Variants in ZNF248 observed in about 807,000 individuals in gnomAD.
ZNF248 encodes the protein zinc finger protein 248, also known as KRAB protein domain.
Under a neutral mutation model 44.3 loss-of-function variants are expected in ZNF248, and 20 were observed. That is an observed-to-expected ratio of 0.45 (90% CI 0.32 to 0.66). The LOEUF (loss-of-function observed/expected upper bound fraction) is 0.66, where lower values mean the gene tolerates loss of function less well. ZNF248 is among the 30% of genes least tolerant of loss of function. The pLI is 0.04. For missense variants in ZNF248, 654 were observed against 677.0 expected (o/e 0.97, Z 0.38); for synonymous variants, 224 against 229.0 (o/e 0.98, Z 0.20).
chr10:37,829,307 G>A lies in ZNF248; in HGVS notation c.*2308C>T, dbSNP rs2054991310. The A allele has an allele frequency of 1.0e-6, 1 of 985,290 alleles. No homozygotes were observed. Among genetic ancestry groups the A allele is most frequent in the Non-Finnish European group, 1.2e-6 (1 of 829,888 alleles). The allele number at this position is 985,290 out of a possible 1,614,324, so 61.0% of individuals were successfully genotyped here. The stretch of plus-strand genomic sequence containing the variant: ...GGCTTCCTGCTGATACAAGTCTCTG[G>A]GTGTTTCACTGTCCCTTGTTTCTGG... On this transcript the variant is annotated 3_prime_UTR_variant, in exon 6 of 6. Transcript: ENST00000395867.
chr10:37,835,406 G>T (rs112747391), intron 5 of ZNF248, among the ~76,000 whole-genome samples: 1 of 152,140 alleles, frequency 6.6e-6, no homozygotes, highest in Non-Finnish European at 1.5e-5. Context: ...AGGAAACCAG[G>T]CTCTCTGGTT....
chr10:37,845,244 C>CTGGACTCAAGCGATTCACCTGCCT (rs1459371047), intron 3 of ZNF248, among the ~76,000 whole-genome samples: 2 of 151,868 alleles, frequency 1.3e-5, no homozygotes, highest in East Asian at 3.9e-4. Flanking sequence ...TCTCGAACTC[C>CTGGACTCAAGCGATTCACCTGCCT]TGGACTCAAG....
intron 6 of ZNF248, among the ~76,000 whole-genome samples, chr10:37,805,727 T>TTA (rs2050460889): frequency 6.6e-6 from 1 of 152,282 alleles, no homozygotes; most frequent in South Asian, 2.1e-4. Context: ...GATAGGGAAA[T>TTA]TATATAAAAT....
intron 6 of ZNF248, among the ~76,000 whole-genome samples, chr10:37,782,654 T>C (rs2047444767): frequency 6.6e-6 from 1 of 152,138 alleles, no homozygotes; most frequent in Non-Finnish European, 1.5e-5. Flanking sequence ...TATAAGGTGA[T>C]GGAAATGTAG....
intron 6 of ZNF248, chr10:37,820,379 T>C (rs1214270345): frequency 1.4e-6 from 2 of 1,471,974 alleles, no homozygotes; most frequent in Admixed American, 3.4e-5. Context: ...GCCGAGGTTT[T>C]GTTAGCATTG....
At chr10:37,818,629 C>T in intron 6 of ZNF248, 2 of 490,034 alleles carry the variant, frequency 4.1e-6, no homozygotes, top group South Asian at 3.9e-5. Context: ...CTGTTGGACA[C>T]CCCAAAGGTT....
intron 6 of ZNF248, chr10:37,820,185 A>T: frequency 1.6e-6 from 2 of 1,230,934 alleles, no homozygotes; most frequent in Non-Finnish European, 1.2e-6. Flanking sequence ...ACTGTTTTCT[A>T]GTGCAGATAT....
At chr10:37,763,353 C>T in the ZNF248 span, among the ~76,000 whole-genome samples, 1 of 152,222 alleles carries the variant, frequency 6.6e-6, no homozygotes, top group Non-Finnish European at 1.5e-5. Context: ...TAGATAACTT[C>T]AAGGAGCCTG....
At chr10:37,769,966 T>C in the ZNF248 span, among the ~76,000 whole-genome samples, 1 of 152,132 alleles carries the variant, frequency 6.6e-6, no homozygotes, top group African/African-American at 2.4e-5. Flanking sequence ...ACAAGCATTC[T>C]TATACACCAA....
chr10:37,851,969 C>G (rs778073092), intron 3 of ZNF248, among the ~76,000 whole-genome samples: 4 of 152,038 alleles, frequency 2.6e-5, no homozygotes, highest in Non-Finnish European at 5.9e-5. Context: ...TATATCCAGC[C>G]GGGCGCGGTG....
intron 6 of ZNF248, chr10:37,795,936 G>A (rs1172060170): frequency 1.3e-5 from 2 of 152,008 alleles, no homozygotes; most frequent in African/African-American, 4.8e-5. Context: ...ATATTCTGGA[G>A]TCCCCAGACT....
chr10:37,763,577 G>T, the ZNF248 span, among the ~76,000 whole-genome samples: 5 of 152,102 alleles, frequency 3.3e-5, no homozygotes, highest in African/African-American at 1.2e-4. Flanking sequence ...ATATAAAAAA[G>T]AACACAGTGA....
At chr10:37,826,500 G>A (rs1304835430), downstream of ZNF248, among the ~76,000 whole-genome samples, 5 of 152,090 alleles carry the variant, frequency 3.3e-5, no homozygotes, top group Admixed American at 2.0e-4. Flanking sequence ...AGTTATGGAC[G>A]TTCAGGTACG....
At position 37,832,408 on chromosome 10, in the gene ZNF248, TGATGGATAATG is replaced by T; in HGVS notation, c.936_946del (p.Phe312LeufsTer11). 6.2e-7 allele frequency: 1 copy of T among 1,614,036 alleles called. No homozygotes were observed. The highest frequency in any genetic ancestry group is 8.5e-7 in the Non-Finnish European group (1 of 1,179,944). ...GAGAATCTTTCTTGTGTAAGCTCCC[TGATGGATAATG>T]AAAGCTGAATTGTCACAGAAGATTT... On this transcript the variant is annotated frameshift_variant, in exon 6 of 6. Coordinates refer to ENST00000395867, the MANE Select transcript of ZNF248 (RefSeq NM_021045.3). LOFTEE classifies it high-confidence loss of function.
At chr10:37,846,431 C>T (rs1480461022) in intron 3 of ZNF248, among the ~76,000 whole-genome samples, 5 of 152,166 alleles carry the variant, frequency 3.3e-5, no homozygotes, top group African/African-American at 4.8e-5. Flanking sequence ...CCAAGGAGTT[C>T]GAGACCGGCT....
intron 6 of ZNF248, among the ~76,000 whole-genome samples, chr10:37,814,027 A>G (rs1589361016): frequency 6.6e-6 from 1 of 152,222 alleles, no homozygotes; most frequent in East Asian, 1.9e-4. Context: ...GTAATAACCA[A>G]AAATGAAGGA....
At chr10:37,845,032 G>A in intron 3 of ZNF248, among the ~76,000 whole-genome samples, 1 of 40,116 alleles carries the variant, frequency 2.5e-5, no homozygotes, top group South Asian at 4.9e-4. Flanking sequence ...TTGTTTTTTT[G>A]GAGATGGGGG....
intron 6 of ZNF248, among the ~76,000 whole-genome samples, chr10:37,785,538 C>T (rs1433391185): frequency 6.6e-6 from 1 of 152,202 alleles, no homozygotes; most frequent in East Asian, 1.9e-4. Context: ...TGTCATATGA[C>T]TACCTCTACT....
chr10:37,763,489 G>T, the ZNF248 span, among the ~76,000 whole-genome samples: 1 of 152,274 alleles, frequency 6.6e-6, no homozygotes, highest in South Asian at 2.1e-4. Flanking sequence ...ATGCTGAGTT[G>T]GTCAGGTCCC....
Sources: allele counts gnomAD v4.1 joint callset (sites outside exome capture counted in the v4.1 genomes callset), GRCh38; gene constraint gnomAD v4.1.1; transcripts MANE v1.5; gene names NCBI Gene and HGNC (gene_info 2026-07-23, HGNC 2026-07-21).